Variants in CRISPLD2 observed in about 807,000 individuals in gnomAD.
CRISPLD2 encodes cysteine-rich secretory protein LCCL domain-containing 2.
In CRISPLD2, 47 loss-of-function variants were observed where a neutral mutation model predicts 71.1. The ratio of observed to expected loss-of-function variants is 0.66; its 90% CI spans 0.52 to 0.84. The LOEUF (loss-of-function observed/expected upper bound fraction) is 0.84. Ranked by LOEUF, CRISPLD2 falls within the 40% of genes least tolerant of loss-of-function variation. The probability of loss-of-function intolerance (pLI) is 0.00; values close to 1 mark genes in which losing one functional copy is unlikely to be tolerated. For synonymous variants in CRISPLD2, 317 were observed against 250.1 expected (o/e 1.27, Z -2.52); for missense variants, 830 against 651.1 (o/e 1.27, Z -2.99).
At chr16:84,863,836 C>T (rs944488581) in intron 6 of CRISPLD2, among the ~76,000 whole-genome samples, 19 of 151,638 alleles carry the variant, frequency 1.3e-4, no homozygotes, top group Admixed American at 7.9e-4. Flanking sequence ...GGCATGGTGG[C>T]GCATGCCTGT....
At chr16:84,834,302 C>T (rs1241993244) in intron 1 of CRISPLD2, among the ~76,000 whole-genome samples, 3 of 152,214 alleles carry the variant, frequency 2.0e-5, no homozygotes, top group South Asian at 4.1e-4. Context: ...TTGGCAAGCC[C>T]GGGACCACTT....
rs368001426 is a variant in CRISPLD2 at position 84,872,478 on chromosome 16, G to A, written c.951G>A (p.Ala317=). Residue 317 remains alanine, a synonymous_variant, in exon 9 of 15, where the codon GCG becomes GCA. Transcript: ENST00000262424. ...CAGCAGGCTGCCTGAACCACAAGGC[G>A]AAGATCTTTGGAACTCTGTTCTATG... is the stretch of plus-strand genomic sequence containing the variant. The part of the protein sequence containing the change: ...QCPAGCLNHK[A]KIFGTLFYES... 15 of 1,613,970 alleles carry A rather than the reference G, an allele frequency of 9.3e-6. No individual in the cohort carries two copies. The highest frequency in any genetic ancestry group is 1.1e-5 in the South Asian group (1 of 91,042).
In CRISPLD2 at chr16:84,819,994, C is replaced by G. The variant is rs988302029; in HGVS notation, c.-214C>G. ...CTGAGCCCCGGCACCCACTCGCATC[C>G]CAGGGCGTCTCCGGCTGCTCCTATT... On this transcript the variant is annotated 5_prime_UTR_variant, in exon 1 of 15. Coordinates refer to ENST00000262424, the MANE Select transcript of CRISPLD2 (RefSeq NM_031476.4). 6.6e-6 allele frequency: 1 copy of G among 152,316 alleles called. No homozygotes were observed. Among genetic ancestry groups the G allele is most frequent in the African/African-American group, 2.4e-5 (1 of 41,458 alleles). 9.4% of individuals were successfully genotyped at this position (152,316 alleles called of 1,614,324 possible).
intron 13 of CRISPLD2, among the ~76,000 whole-genome samples, chr16:84,887,268 G>C (rs1277594429): frequency 6.6e-6 from 1 of 152,172 alleles, no homozygotes; most frequent in Non-Finnish European, 1.5e-5. Context: ...TGCTGGTGGT[G>C]GCCTCTGTCT....
At chr16:84,861,187 A>C (rs780993672) in intron 6 of CRISPLD2, among the ~76,000 whole-genome samples, 1 of 152,150 alleles carries the variant, frequency 6.6e-6, no homozygotes, top group Non-Finnish European at 1.5e-5. Context: ...TTTGGGATCT[A>C]ATCATATTAA....
At chr16:84,890,927 C>T (rs568314559) in intron 14 of CRISPLD2, among the ~76,000 whole-genome samples, 8 of 152,258 alleles carry the variant, frequency 5.3e-5, no homozygotes, top group East Asian at 3.9e-4. Context: ...CCACCATGCC[C>T]GGCTAATTTT....
At chr16:84,895,593 CT>C (rs1463703993) in intron 14 of CRISPLD2, among the ~76,000 whole-genome samples, 1 of 152,252 alleles carries the variant, frequency 6.6e-6, no homozygotes, top group South Asian at 2.1e-4. Flanking sequence ...TAGTCTGAAA[CT>C]TTTCCCCCCT....
intron 5 of CRISPLD2, among the ~76,000 whole-genome samples, chr16:84,852,939 T>C (rs955269245): frequency 6.6e-6 from 1 of 152,158 alleles, no homozygotes; most frequent in Non-Finnish European, 1.5e-5. Flanking sequence ...TGGTGGTGCA[T>C]GCCTGTATTC....
intron 6 of CRISPLD2, among the ~76,000 whole-genome samples, chr16:84,858,021 C>G (rs71386871): frequency 0.014 from 2,132 of 152,278 alleles, 22 homozygotes; most frequent in Middle Eastern, 0.031. Flanking sequence ...CAGTTTCCAC[C>G]AAAGCCCAGT....
At chr16:84,887,703 C>A (rs904027450) in intron 13 of CRISPLD2, among the ~76,000 whole-genome samples, 2 of 152,132 alleles carry the variant, frequency 1.3e-5, no homozygotes, top group African/African-American at 4.8e-5. Context: ...ATGGAGAAAC[C>A]GTGTCTCTAC....
chr16:84,852,129 T>G (rs577114005), intron 5 of CRISPLD2, among the ~76,000 whole-genome samples: 1 of 152,348 alleles, frequency 6.6e-6, no homozygotes, highest in East Asian at 1.9e-4. Flanking sequence ...TGGTGAGAGA[T>G]GAGGACATCA....
intron 12 of CRISPLD2, 87 bp downstream of exon 12, chr16:84,877,597 C>T: frequency 7.8e-7 from 1 of 1,283,396 alleles, no homozygotes; most frequent in South Asian, 1.2e-5. Context: ...CAGCTGTAAT[C>T]CCAGCACTTT....
chr16:84,885,961 G>T (rs1183832866), intron 13 of CRISPLD2, among the ~76,000 whole-genome samples: 1 of 151,974 alleles, frequency 6.6e-6, no homozygotes, highest in Non-Finnish European at 1.5e-5. Context: ...TGGAACTACA[G>T]GCATGTGCCA....
chr16:84,849,368 C>T lies in CRISPLD2; in HGVS notation c.360-17C>T. 1 of 1,606,038 alleles carries T rather than the reference C, an allele frequency of 6.2e-7. No homozygotes were observed. Among genetic ancestry groups the T allele is most frequent in the African/African-American group, 1.3e-5 (1 of 74,688 alleles). On this transcript the variant is annotated splice_polypyrimidine_tract_variant and intron_variant, in intron 3 of 14. Transcript: ENST00000262424. ...AGGGGAGGGGCTGGGACTGAGTGAG[C>T]GGTTTCTGCCCTGCAGGTATCGCTC... is the stretch of plus-strand genomic sequence containing the variant.
chr16:84,838,363 A>C, intron 1 of CRISPLD2, 59 bp from the exon 2 acceptor site: 114 of 957,568 alleles, frequency 1.2e-4, no homozygotes, highest in East Asian at 1.6e-4. Context: ...TGCTCCAGCC[A>C]GCGCTGTGAC....
At chr16:84,892,296 G>A (rs1009741249) in intron 14 of CRISPLD2, among the ~76,000 whole-genome samples, 4 of 152,290 alleles carry the variant, frequency 2.6e-5, no homozygotes, top group African/African-American at 4.8e-5. Flanking sequence ...GCAGGTCCTC[G>A]GGGGCATCGT....
chr16:84,856,667 C>T (rs920787704), intron 6 of CRISPLD2, among the ~76,000 whole-genome samples: 1 of 152,182 alleles, frequency 6.6e-6, no homozygotes, highest in Non-Finnish European at 1.5e-5. Context: ...TGAGGGCATA[C>T]ATGGCCTTCT....
At chr16:84,851,172 C>T (rs112871584) in intron 5 of CRISPLD2, among the ~76,000 whole-genome samples, 4 of 152,322 alleles carry the variant, frequency 2.6e-5, no homozygotes, top group Middle Eastern at 3.4e-3. Context: ...TTATTTTTCT[C>T]TGAAAACATG....
At chr16:84,850,943 C>A (rs1472114268) in intron 5 of CRISPLD2, among the ~76,000 whole-genome samples, 2 of 151,988 alleles carry the variant, frequency 1.3e-5, no homozygotes, top group Non-Finnish European at 2.9e-5. Context: ...TCTCCCCAAG[C>A]ACAAGGAAGG....
Sources: gnomAD v4.1 joint callset for allele counts (sites outside exome capture counted in the v4.1 genomes callset) on GRCh38, gnomAD v4.1.1 for gene constraint, MANE v1.5 for transcripts, NCBI Gene and HGNC (gene_info 2026-07-23, HGNC 2026-07-21) for gene names.